SLC25A30: variants seen among roughly 807,000 people sequenced by gnomAD.
The protein encoded by SLC25A30 is kidney mitochondrial carrier protein 1.
Under a neutral mutation model 42.7 loss-of-function variants are expected in SLC25A30, and 29 were observed. The observed-to-expected ratio is 0.68, with a 90% CI of 0.51 to 0.93. SLC25A30 has a LOEUF of 0.93. SLC25A30 is among the 40% of genes least tolerant of loss of function. The pLI is 0.00. For synonymous variants in SLC25A30, 124 were observed against 131.0 expected, an observed-to-expected ratio of 0.95 and a Z score of 0.37; for missense variants, 300 against 359.7, an observed-to-expected ratio of 0.83 and a Z score of 1.34.
rs73476599 is a variant in SLC25A30, at chr13:45,415,006, T to C, written c.-56+3294A>G. Among the ~76,000 whole-genome samples the C allele has an allele frequency of 3.4e-3, 525 of 152,294 alleles. 1 individual carries two copies. Among genetic ancestry groups the C allele is most frequent in the African/African-American group, 0.011 (442 of 41,574 alleles). On this transcript the variant is annotated intron_variant, in intron 1 of 9. Coordinates refer to ENST00000519676, the MANE Select transcript of SLC25A30 (RefSeq NM_001010875.4). The stretch of plus-strand genomic sequence containing the variant: ...AATTACAACTTTGCAGAAATTCCAG[T>C]GTCGGGCAGTGGCTGTAGATCACTT...
chr13:45,411,755 A>G (rs546581156), intron 1 of SLC25A30: 4 of 313,158 alleles, frequency 1.3e-5, no homozygotes, highest in African/African-American at 8.5e-5. Context: ...GTATGTATTC[A>G]GTGTAGTGCA....
At chr13:45,424,534 TAAATATATAA>T in the SLC25A30 span, among the ~76,000 whole-genome samples, 12 of 52,424 alleles carry the variant, frequency 2.3e-4, no homozygotes, top group South Asian at 5.4e-4. Context: ...AAAATATATA[TAAATATATAA>T]ATATATAAAT....
Position 45,410,774 on chromosome 13 carries a change from T to C in SLC25A30, c.64+588A>G, listed in dbSNP as rs1008098133. On this transcript the variant is annotated intron_variant, in intron 2 of 9. Transcript: ENST00000519676. ...CTGGAGTGAGCCGAGATCAGACGAC[T>C]GCACTCCAGCCTCAGCAACAGAACC... Among the ~76,000 whole-genome samples, 6 of 152,284 alleles carry C rather than the reference T, an allele frequency of 3.9e-5. 1 individual carries two copies. The highest frequency in any genetic ancestry group is 2.9e-5 in the Non-Finnish European group (2 of 68,006).
chr13:45,393,833 G>C lies in SLC25A30; in HGVS notation c.*2141C>G, dbSNP rs1469881443. On this transcript the variant is annotated 3_prime_UTR_variant, in exon 10 of 10. Coordinates refer to ENST00000519676, the MANE Select transcript of SLC25A30 (RefSeq NM_001010875.4). The stretch of plus-strand genomic sequence containing the variant: ...AATCGTGCTTAAGTTTTACCATGAG[G>C]TTTGAATTTCTTTCCACCTTGGTAG... 21 of 985,206 alleles carry C rather than the reference G, an allele frequency of 2.1e-5. No homozygotes were observed. Among genetic ancestry groups the C allele is most frequent in the Admixed American group, 6.1e-5 (1 of 16,264 alleles). The allele number at this position is 985,206 out of a possible 1,614,324, so 61.0% of individuals were successfully genotyped here. A position where few individuals can be genotyped will look rare whatever the true frequency, so the allele number is the denominator to read the frequency against.
rs537092137 is a variant in SLC25A30 at position 45,402,757 on chromosome 13, C to T, written c.394-387G>A. The T allele has an allele frequency of 6.1e-6, 6 of 984,962 alleles. No individual in the cohort carries two copies. In the South Asian group the frequency reaches 1.9e-4, roughly 31 times the overall value. The allele number at this position is 984,962 out of a possible 1,614,324, so 61.0% of individuals were successfully genotyped here. ...TCTAATTAATGAGTTATCCAGTGTA[C>T]CTGGCAGCACGAAGCACAGGCAAGC... On this transcript the variant is annotated intron_variant, in intron 5 of 9. Transcript: ENST00000519676.
At chr13:45,424,594 T>TAGAA in the SLC25A30 span, among the ~76,000 whole-genome samples, 9 of 68,078 alleles carry the variant, frequency 1.3e-4, no homozygotes, top group African/African-American at 5.3e-4. Context: ...TATAAATATA[T>TAGAA]ATAAATATAT....
At chr13:45,424,825 AAAATATATATAT>A in the SLC25A30 span, among the ~76,000 whole-genome samples, 9 of 45,368 alleles carry the variant, frequency 2.0e-4, 3 homozygotes, top group Non-Finnish European at 3.4e-4. Flanking sequence ...TAAATATATA[AAAATATATATAT>A]AAAAATATAT....
the SLC25A30 span, among the ~76,000 whole-genome samples, chr13:45,424,983 AAAATATATATAAATATAT>A: frequency 1.0e-3 from 4 of 3,938 alleles, no homozygotes; most frequent in East Asian, 0.022. Context: ...TAAGTATATA[AAAATATATATAAATATAT>A]AAATATATAT....
intron 7 of SLC25A30, among the ~76,000 whole-genome samples, chr13:45,399,619 A>T (rs1365402610): frequency 6.6e-6 from 1 of 152,198 alleles, no homozygotes; most frequent in Non-Finnish European, 1.5e-5. Context: ...CTAGCTGATA[A>T]ATCCCAGCGA....
chr13:45,395,445 A>C lies in SLC25A30; in HGVS notation c.*529T>G, dbSNP rs1881234505. The stretch of plus-strand genomic sequence containing the variant: ...AATGATAAAGCAGTGTGATATTCCT[A>C]GGATCCATTTCCTGCACCGTTTATA... On this transcript the variant is annotated 3_prime_UTR_variant, in exon 10 of 10. Transcript: ENST00000519676. 3 of 988,494 alleles carry C rather than the reference A, an allele frequency of 3.0e-6. No homozygotes were observed. The highest frequency in any genetic ancestry group is 3.6e-6 in the Non-Finnish European group (3 of 831,668). The allele number at this position is 988,494 out of a possible 1,614,324, so 61.2% of individuals were successfully genotyped here.
At chr13:45,424,613 A>C in the SLC25A30 span, among the ~76,000 whole-genome samples, 3 of 70,672 alleles carry the variant, frequency 4.2e-5, no homozygotes, top group East Asian at 1.1e-3. Context: ...ATATAAATAT[A>C]TATAAATATA....
chr13:45,427,136 C>T, the SLC25A30 span, among the ~76,000 whole-genome samples: 35 of 152,122 alleles, frequency 2.3e-4, no homozygotes, highest in Admixed American at 4.6e-4. Context: ...GGGAGCTATA[C>T]TAGGCTGGGT....
intron 1 of SLC25A30, among the ~76,000 whole-genome samples, chr13:45,416,147 C>T (rs1883511477): frequency 6.6e-6 from 1 of 151,780 alleles, no homozygotes; most frequent in South Asian, 2.1e-4. Context: ...GTGGCTCATG[C>T]CTGTAATCCT....
chr13:45,394,828 T>C lies in SLC25A30; in HGVS notation c.*1146A>G. The C allele has an allele frequency of 1.0e-6, 1 of 985,420 alleles. No individual in the cohort carries two copies. The highest frequency in any genetic ancestry group is 4.7e-5 in the South Asian group (1 of 21,288). 61.0% of individuals were successfully genotyped at this position (985,420 alleles called of 1,614,324 possible). On this transcript the variant is annotated 3_prime_UTR_variant, in exon 10 of 10. Coordinates refer to ENST00000519676, the MANE Select transcript of SLC25A30 (RefSeq NM_001010875.4). ...AATCATTTTTAAAATTTCAAGCAGG[T>C]ATTTTCCATCCAAACTAAACAGAAA...
the SLC25A30 span, among the ~76,000 whole-genome samples, chr13:45,433,957 T>C: frequency 6.6e-6 from 1 of 152,174 alleles, no homozygotes; most frequent in East Asian, 1.9e-4. Flanking sequence ...AAAAAAATAC[T>C]GATTATAAAA....
intron 2 of SLC25A30, among the ~76,000 whole-genome samples, chr13:45,410,610 GA>G (rs924882081): frequency 7.2e-5 from 11 of 151,996 alleles, no homozygotes; most frequent in African/African-American, 2.4e-4. Flanking sequence ...CTTGGGAGTC[GA>G]GACCAGCCTG....
intron 6 of SLC25A30, 123 bp downstream of exon 6, chr13:45,402,152 G>T: frequency 1.7e-6 from 1 of 599,706 alleles, no homozygotes; most frequent in Non-Finnish European, 2.9e-6. Context: ...ATGGGCAGAA[G>T]ATGCCACTCC....
At chr13:45,414,967 C>A (rs1254842335) in intron 1 of SLC25A30, among the ~76,000 whole-genome samples, 1 of 152,220 alleles carries the variant, frequency 6.6e-6, no homozygotes, top group Non-Finnish European at 1.5e-5. Flanking sequence ...GTCTGGGCAG[C>A]ATCTCGGGGA....
At position 45,395,587 on chromosome 13, in the gene SLC25A30, C is replaced by G; in HGVS notation, c.*387G>C. 1 of 1,096,622 alleles carries G rather than the reference C, an allele frequency of 9.1e-7. No individual in the cohort carries two copies. The highest frequency in any genetic ancestry group is 1.1e-6 in the Non-Finnish European group (1 of 894,800). The allele number at this position is 1,096,622 out of a possible 1,614,324, so 67.9% of individuals were successfully genotyped here. ...TCTCGGAGGCTCCATTCCATGGTTCCAGTGAGCTTTTCTAGAGCAGTCTGA... is the reference window on the plus strand; with the variant it reads ...TCTCGGAGGCTCCATTCCATGGTTCGAGTGAGCTTTTCTAGAGCAGTCTGA... On this transcript the variant is annotated 3_prime_UTR_variant, in exon 10 of 10. Transcript: ENST00000519676.
Sources: allele counts gnomAD v4.1 joint callset (sites outside exome capture counted in the v4.1 genomes callset), GRCh38; gene constraint gnomAD v4.1.1; transcripts MANE v1.5; gene names NCBI Gene and HGNC (gene_info 2026-07-23, HGNC 2026-07-21).